Variants in MTHFD2L observed in about 807,000 individuals in gnomAD.
The protein encoded by MTHFD2L is bifunctional methylenetetrahydrofolate dehydrogenase/cyclohydrolase 2, mitochondrial.
MTHFD2L carries 29 observed loss-of-function variants against 34.9 expected under a neutral mutation model. The ratio of observed to expected loss-of-function variants is 0.83; its 90% confidence interval spans 0.62 to 1.13. The LOEUF is 1.13. Among genes scored for constraint, MTHFD2L ranks in the 50% most tolerant of loss-of-function variants. MTHFD2L has a pLI of 0.00. For synonymous variants in MTHFD2L, 167 were observed against 155.7 expected (o/e 1.07, Z -0.54); for missense variants, 481 against 446.5 (o/e 1.08, Z -0.70).
chr4:74,158,112 C>A, upstream of MTHFD2L: 2 of 1,530,280 alleles, frequency 1.3e-6, no homozygotes, highest in South Asian at 2.4e-5. Context: ...GGTGGAGCCC[C>A]AGTCCGGAAG....
intron 5 of MTHFD2L, among the ~76,000 whole-genome samples, chr4:74,210,891 G>A (rs1164486438): frequency 1.3e-5 from 2 of 152,094 alleles, no homozygotes; most frequent in Admixed American, 1.3e-4. Context: ...TCTCCTTGAA[G>A]AGGTCCTTCA....
At chr4:74,223,775 C>A (rs757365702) in intron 5 of MTHFD2L, among the ~76,000 whole-genome samples, 1 of 151,888 alleles carries the variant, frequency 6.6e-6, no homozygotes, top group Non-Finnish European at 1.5e-5. Context: ...TTGGTTCTGA[C>A]ACTTTTTAAA....
intron 5 of MTHFD2L, among the ~76,000 whole-genome samples, chr4:74,215,535 A>G (rs1365574840): frequency 1.3e-5 from 2 of 151,548 alleles, no homozygotes; most frequent in Non-Finnish European, 2.9e-5. Flanking sequence ...CCCACTGTCT[A>G]ACCAGTCCCA....
At chr4:74,122,988 T>C (rs1373130423), upstream of MTHFD2L, among the ~76,000 whole-genome samples, 7 of 152,216 alleles carry the variant, frequency 4.6e-5, no homozygotes, top group Admixed American at 2.0e-4. Flanking sequence ...AAGTTTTAAG[T>C]TTATTTCAAA....
chr4:74,293,665 G>A, intron 7 of MTHFD2L: 1 of 209,306 alleles, frequency 4.8e-6, no homozygotes, highest in Non-Finnish European at 8.3e-6. Context: ...TCTGCTCCCT[G>A]GTTCACCATG....
intron 6 of MTHFD2L, among the ~76,000 whole-genome samples, chr4:74,227,605 C>A (rs905669311): frequency 1.3e-5 from 2 of 152,072 alleles, no homozygotes; most frequent in East Asian, 3.9e-4. Flanking sequence ...TTATATTACT[C>A]TGATTTTAAT....
At chr4:74,154,048 T>C (rs1166715082), upstream of MTHFD2L, among the ~76,000 whole-genome samples, 2 of 152,230 alleles carry the variant, frequency 1.3e-5, no homozygotes, top group Non-Finnish European at 2.9e-5. Flanking sequence ...TTTCTTAGAC[T>C]TTCCTTGTTT....
rs1415556177 is a variant in MTHFD2L at position 74,301,696 on chromosome 4, G to T, written c.932-1G>T. On this transcript the variant is annotated splice_acceptor_variant, in intron 7 of 7. Transcript: ENST00000325278. LOFTEE classifies it high-confidence loss of function. ...ATCTGTTTGTTTTTTTTCCTCATCA[G>T]CTGTTAAAAAGAAAGCTGGCTTTAT... 2 of 1,553,452 alleles carry T rather than the reference G, an allele frequency of 1.3e-6. No individual in the cohort carries two copies. Among genetic ancestry groups the T allele is most frequent in the Admixed American group, 2.0e-5 (1 of 49,312 alleles).
In MTHFD2L at chr4:74,250,654, G is replaced by A. The variant is rs535474302; in HGVS notation, c.805+25260G>A. Among the ~76,000 whole-genome samples the A allele has an allele frequency of 2.6e-4, 39 of 152,258 alleles. 1 individual carries two copies. In the Middle Eastern group the frequency reaches 0.014, roughly 53 times the overall value. ...TCTGCGTGCAGTTCCTCTTAATTAT[G>A]CCTTGCACCTTTGCTAATGATATTT... On this transcript the variant is annotated intron_variant, in intron 6 of 7. Coordinates refer to ENST00000325278, the MANE Select transcript of MTHFD2L (RefSeq NM_001144978.3).
At chr4:74,252,463 G>T (rs1743458075) in intron 6 of MTHFD2L, among the ~76,000 whole-genome samples, 1 of 151,726 alleles carries the variant, frequency 6.6e-6, no homozygotes, top group Non-Finnish European at 1.5e-5. Flanking sequence ...AAACAAAATG[G>T]ATTTTAAGTA....
intron 1 of MTHFD2L, among the ~76,000 whole-genome samples, chr4:74,128,549 G>A (rs533471592): frequency 6.6e-6 from 1 of 151,892 alleles, no homozygotes; most frequent in East Asian, 1.9e-4. Context: ...TGATATCTGG[G>A]TTCTCTATTC....
At chr4:74,198,718 G>T (rs1362975301) in intron 3 of MTHFD2L, among the ~76,000 whole-genome samples, 1 of 151,994 alleles carries the variant, frequency 6.6e-6, no homozygotes, top group Non-Finnish European at 1.5e-5. Flanking sequence ...ATAGATGGAG[G>T]CCCTGCTAAA....
intron 3 of MTHFD2L, among the ~76,000 whole-genome samples, chr4:74,188,832 A>G (rs1259732736): frequency 6.6e-6 from 1 of 150,678 alleles, no homozygotes; most frequent in Non-Finnish European, 1.5e-5. Flanking sequence ...ATATGGGTAT[A>G]TATATATCAA....
At chr4:74,290,959 C>T (rs1200361802) in intron 7 of MTHFD2L, among the ~76,000 whole-genome samples, 2 of 147,842 alleles carry the variant, frequency 1.4e-5, no homozygotes, top group Non-Finnish European at 3.0e-5. Flanking sequence ...AGATTGGATG[C>T]CTCTGTAAGA....
intron 1 of MTHFD2L, among the ~76,000 whole-genome samples, chr4:74,129,762 G>A (rs542891575): frequency 2.6e-4 from 39 of 150,832 alleles, no homozygotes; most frequent in Admixed American, 1.5e-3. Flanking sequence ...ACAGAGACAC[G>A]AAAAACCCTT....
At chr4:74,130,558 A>G (rs1722414442) in intron 1 of MTHFD2L, among the ~76,000 whole-genome samples, 2 of 152,206 alleles carry the variant, frequency 1.3e-5, no homozygotes, top group African/African-American at 4.8e-5. Context: ...AAAAACTCTC[A>G]ATACACTAGG....
At chr4:74,230,288 T>A (rs563456663) in intron 6 of MTHFD2L, among the ~76,000 whole-genome samples, 1 of 152,106 alleles carries the variant, frequency 6.6e-6, no homozygotes, top group African/African-American at 2.4e-5. Context: ...ATGTTAAGAT[T>A]AAGAAATGAT....
chr4:74,141,444 C>G (rs1723270452), intron 1 of MTHFD2L, among the ~76,000 whole-genome samples: 1 of 152,228 alleles, frequency 6.6e-6, no homozygotes, highest in Non-Finnish European at 1.5e-5. Flanking sequence ...GCTCTTACCT[C>G]CTTAATGAGT....
rs1294183988 is a variant in MTHFD2L at position 74,219,075 on chromosome 4, A to G, written c.713-6227A>G. ...TACCTAAGTAATAAGTAATCTAAAG[A>G]TGATTTAAAGTGTGTAGGAGTATAT... is the stretch of plus-strand genomic sequence containing the variant. On this transcript the variant is annotated intron_variant, in intron 5 of 7. Coordinates refer to ENST00000325278, the MANE Select transcript of MTHFD2L (RefSeq NM_001144978.3). Among the ~76,000 whole-genome samples the G allele has an allele frequency of 2.0e-5, 3 of 152,068 alleles. No individual in the cohort carries two copies. The East Asian group carries it at 5.8e-4, about 29-fold the overall frequency.
Sources: gnomAD v4.1 joint callset for allele counts (sites outside exome capture counted in the v4.1 genomes callset) on GRCh38, gnomAD v4.1.1 for gene constraint, MANE v1.5 for transcripts, NCBI Gene and HGNC (gene_info 2026-07-23, HGNC 2026-07-21) for gene names.